The following MAP3K4 variants were observed in gnomAD, a reference collection of about 807,000 sequenced individuals.
The protein encoded by MAP3K4 is mitogen-activated protein kinase kinase kinase 4.
MAP3K4 carries 67 observed loss-of-function variants against 185.6 expected under a neutral mutation model. The ratio of observed to expected loss-of-function variants is 0.36; its 90% CI spans 0.30 to 0.44. The LOEUF is 0.44. Among genes scored for constraint, MAP3K4 ranks in the 20% least tolerant of loss-of-function variants. The pLI is 1.00. For missense variants in MAP3K4, 1,551 were observed against 1,995.1 expected (o/e 0.78, Z 4.24); for synonymous variants, 702 against 710.4 (o/e 0.99, Z 0.19).
At chr6:161,079,718 T>A (rs7738762) in intron 5 of MAP3K4, among the ~76,000 whole-genome samples, 1 of 152,148 alleles carries the variant, frequency 6.6e-6, no homozygotes, top group Non-Finnish European at 1.5e-5. Flanking sequence ...TGTTGAGGAC[T>A]GTAGACCCAT....
In MAP3K4 at chr6:161,054,853, G is replaced by T. The variant is rs961808279; in HGVS notation, c.1707+4874G>T. On this transcript the variant is annotated intron_variant, in intron 3 of 26. Coordinates refer to ENST00000392142, the MANE Select transcript of MAP3K4 (RefSeq NM_005922.4). This position sits in a 1 kb window ranked among gnomAD's most constrained non-coding sequence, Gnocchi z 4.2. ...AGCTGCAGTTTTATCCTGGCTGTAA[G>T]GACTACCATGATGGGAAAAAATAAG... Among the ~76,000 whole-genome samples the T allele has an allele frequency of 6.6e-6, 1 of 152,174 alleles. No individual in the cohort carries two copies. The highest frequency in any genetic ancestry group is 2.4e-5 in the African/African-American group (1 of 41,434).
chr6:161,079,469 C>G (rs1369789636), intron 5 of MAP3K4, among the ~76,000 whole-genome samples: 2 of 149,608 alleles, frequency 1.3e-5, no homozygotes, highest in Admixed American at 6.7e-5. Flanking sequence ...CCCAGCTACT[C>G]AGGAGGCTGA....
At chr6:161,057,251 C>T (rs1338510069) in intron 3 of MAP3K4, among the ~76,000 whole-genome samples, 5 of 152,164 alleles carry the variant, frequency 3.3e-5, no homozygotes, top group Non-Finnish European at 7.3e-5. Flanking sequence ...CGTTTATATT[C>T]AAAGCAGACA....
intron 5 of MAP3K4, among the ~76,000 whole-genome samples, chr6:161,079,583 AG>A (rs1785346756): frequency 1.3e-5 from 2 of 152,228 alleles, no homozygotes; most frequent in Non-Finnish European, 2.9e-5. Flanking sequence ...TCTCAAAAAA[AG>A]AAAGAAAAAG....
Position 161,100,672 on chromosome 6 carries a change from T to C in MAP3K4, c.3675-1220T>C, listed in dbSNP as rs895234818. On this transcript the variant is annotated intron_variant, in intron 17 of 26. Coordinates refer to ENST00000392142, the MANE Select transcript of MAP3K4 (RefSeq NM_005922.4). This position sits in a 1 kb window ranked among gnomAD's most constrained non-coding sequence, Gnocchi z 5.8. ...CAATATGCCACTTCATGAGTATATG[T>C]TCTTGCTTTTTACCCGTGCAAAAAT... Among the ~76,000 whole-genome samples, 1 of 152,186 alleles carries C rather than the reference T, an allele frequency of 6.6e-6. No individual in the cohort carries two copies. The highest frequency in any genetic ancestry group is 1.5e-5 in the Non-Finnish European group (1 of 68,040).
At chr6:161,009,420 C>T (rs1175625315) in intron 1 of MAP3K4, among the ~76,000 whole-genome samples, 1 of 152,176 alleles carries the variant, frequency 6.6e-6, no homozygotes, top group Non-Finnish European at 1.5e-5. Context: ...TCCCCATCTA[C>T]CCCGGTAAAC....
chr6:161,094,242 G>A (rs1045062717), intron 15 of MAP3K4, among the ~76,000 whole-genome samples: 13 of 152,156 alleles, frequency 8.5e-5, no homozygotes, highest in East Asian at 1.9e-4. Flanking sequence ...CCTGTCCCCC[G>A]TTCCTCACCT....
chr6:161,116,257 C>T lies in MAP3K4; in HGVS notation c.4807-593C>T, dbSNP rs1778588804. On this transcript the variant is annotated intron_variant, in intron 26 of 26. Coordinates refer to ENST00000392142, the MANE Select transcript of MAP3K4 (RefSeq NM_005922.4). This position sits in a 1 kb window ranked among gnomAD's most constrained non-coding sequence, Gnocchi z 6.2. The stretch of plus-strand genomic sequence containing the variant: ...TCTTTGGTGGATGAAGCTTGGGGTA[C>T]ATTTGGAGCATCTGCTTGGAGATTT... Among the ~76,000 whole-genome samples, 1 of 151,966 alleles carries T rather than the reference C, an allele frequency of 6.6e-6. No homozygotes were observed. Among genetic ancestry groups the T allele is most frequent in the African/African-American group, 2.4e-5 (1 of 41,360 alleles).
rs762292074 is a variant in MAP3K4, at chr6:161,084,468, TTC to T, written c.2256-29_2256-28del. Reference sequence around the variant, plus strand: ...TAGGCTATGAGTAGGGACAGTTTTCTTCTCTGTTTTATTTTTATTTTTGTTCC... The same window carrying T: ...TAGGCTATGAGTAGGGACAGTTTTCTTCTGTTTTATTTTTATTTTTGTTCC... On this transcript the variant is annotated intron_variant, in intron 6 of 26. Coordinates refer to ENST00000392142, the MANE Select transcript of MAP3K4 (RefSeq NM_005922.4). The surrounding 1 kb of genome is among the most constrained non-coding windows in gnomAD (Gnocchi z 4.6). 19 of 1,031,986 alleles carry T rather than the reference TTC, an allele frequency of 1.8e-5. No homozygotes were observed. In the South Asian group the frequency reaches 2.3e-4, roughly 12 times the overall value. 63.9% of individuals were successfully genotyped at this position (1,031,986 alleles called of 1,614,324 possible).
Position 161,098,299 on chromosome 6 carries a change from C to T in MAP3K4, c.3546C>T (p.Asp1182=), listed in dbSNP as rs200257460. 7.5e-5 allele frequency: 121 copies of T among 1,610,858 alleles called. No homozygotes were observed. The East Asian group carries it at 2.1e-3, about 28-fold the overall frequency. ...TTAGCACTCGGAGCATGCCTTCCGA[C>T]GCGCGGAGCCATGGCAGCCCTGCTG... The part of the protein sequence containing the change: ...EGFSTRSMPS[D]ARSHGSPAAA... Residue 1182 remains aspartate, a synonymous_variant, in exon 17 of 27, where the codon GAC becomes GAT. Coordinates refer to ENST00000392142, the MANE Select transcript of MAP3K4 (RefSeq NM_005922.4). The surrounding 1 kb of genome is among the most constrained non-coding windows in gnomAD (Gnocchi z 4.4).
At chr6:161,012,569 T>C (rs1562480408) in intron 1 of MAP3K4, among the ~76,000 whole-genome samples, 1 of 152,210 alleles carries the variant, frequency 6.6e-6, no homozygotes, top group Non-Finnish European at 1.5e-5. Context: ...TATATAATTA[T>C]TACAACGAAC....
intron 6 of MAP3K4, 44 bp downstream of exon 6, chr6:161,081,082 A>T (rs1282077590): frequency 6.3e-7 from 1 of 1,587,904 alleles, no homozygotes; most frequent in South Asian, 1.1e-5. Flanking sequence ...CCACCTTCTC[A>T]CTCTCACACC....
chr6:161,079,947 G>A (rs959855740), intron 5 of MAP3K4, among the ~76,000 whole-genome samples: 1 of 152,180 alleles, frequency 6.6e-6, no homozygotes, highest in Non-Finnish European at 1.5e-5. Context: ...ATGTAGCCTG[G>A]TGAAAACACT....
intron 3 of MAP3K4, among the ~76,000 whole-genome samples, chr6:161,060,123 A>C (rs575022293): frequency 6.6e-6 from 1 of 152,294 alleles, no homozygotes; most frequent in Admixed American, 6.5e-5. Flanking sequence ...TCCTTAATAC[A>C]TTAAGGGCTG....
At chr6:161,006,377 A>C (rs780202028) in intron 1 of MAP3K4, among the ~76,000 whole-genome samples, 1 of 152,246 alleles carries the variant, frequency 6.6e-6, no homozygotes, top group Non-Finnish European at 1.5e-5. Flanking sequence ...TGTGCTGAAC[A>C]CGTACAGACT....
Position 161,063,751 on chromosome 6 carries a change from A to C in MAP3K4, c.1708-6857A>C, listed in dbSNP as rs925109499. On this transcript the variant is annotated intron_variant, in intron 3 of 26. Coordinates refer to ENST00000392142, the MANE Select transcript of MAP3K4 (RefSeq NM_005922.4). The surrounding 1 kb of genome is among the most constrained non-coding windows in gnomAD (Gnocchi z 5.4). ...ACCTTACTGCCAACCCCTTGCCTTCACTCATGAATAGTGCCAAAATCATTC... is the reference window on the plus strand; with the variant it reads ...ACCTTACTGCCAACCCCTTGCCTTCCCTCATGAATAGTGCCAAAATCATTC... Among the ~76,000 whole-genome samples the C allele has an allele frequency of 3.9e-5, 6 of 152,140 alleles. No individual in the cohort carries two copies. Among genetic ancestry groups the C allele is most frequent in the South Asian group, 2.1e-4 (1 of 4,828 alleles).
In MAP3K4 at chr6:161,075,209, C is replaced by T. The variant is rs561600460; in HGVS notation, c.2097+1597C>T. On this transcript the variant is annotated intron_variant, in intron 5 of 26. Coordinates refer to ENST00000392142, the MANE Select transcript of MAP3K4 (RefSeq NM_005922.4). The surrounding 1 kb of genome is among the most constrained non-coding windows in gnomAD (Gnocchi z 4.3). ...TTGCTCTGTCACCTAGACTGAAACG[C>T]AGTGGTGTGTTGACGGCTTCCTGTA... is the stretch of plus-strand genomic sequence containing the variant. Among the ~76,000 whole-genome samples the T allele has an allele frequency of 1.3e-4, 20 of 152,274 alleles. 1 individual carries two copies. In the South Asian group the frequency reaches 4.2e-3, roughly 32 times the overall value.
rs966666541 is a variant in MAP3K4 at position 161,017,137 on chromosome 6, A to G, written c.153-17122A>G. On this transcript the variant is annotated intron_variant, in intron 1 of 26. Coordinates refer to ENST00000392142, the MANE Select transcript of MAP3K4 (RefSeq NM_005922.4). This position sits in a 1 kb window ranked among gnomAD's most constrained non-coding sequence, Gnocchi z 5.1. The stretch of plus-strand genomic sequence containing the variant: ...CAACAAAGGCCTTAGTTTAACCAAC[A>G]TTATATTAAATTATAAGGAAATGTT... Among the ~76,000 whole-genome samples, 1 of 152,218 alleles carries G rather than the reference A, an allele frequency of 6.6e-6. No individual in the cohort carries two copies. The highest frequency in any genetic ancestry group is 1.5e-5 in the Non-Finnish European group (1 of 68,036).
Position 161,091,657 on chromosome 6 carries a change from T to C in MAP3K4, c.3135+117T>C, listed in dbSNP as rs946541233. Reference sequence around the variant, plus strand: ...ATTGTAATCATAGCTTAATCAAGAATATCATCTTATATCACTGCTGTATAT... The same window carrying C: ...ATTGTAATCATAGCTTAATCAAGAACATCATCTTATATCACTGCTGTATAT... On this transcript the variant is annotated intron_variant, in intron 12 of 26. Transcript: ENST00000392142. This position sits in a 1 kb window ranked among gnomAD's most constrained non-coding sequence, Gnocchi z 5.5. The C allele has an allele frequency of 3.6e-6, 3 of 840,770 alleles. No individual in the cohort carries two copies. The highest frequency in any genetic ancestry group is 1.7e-5 in the African/African-American group (1 of 58,040). 52.1% of individuals were successfully genotyped at this position (840,770 alleles called of 1,614,324 possible).
Sources: allele counts gnomAD v4.1 joint callset (sites outside exome capture counted in the v4.1 genomes callset), GRCh38; gene constraint gnomAD v4.1.1; non-coding constraint Gnocchi (gnomAD v3.1); transcripts MANE v1.5; gene names NCBI Gene and HGNC (gene_info 2026-07-23, HGNC 2026-07-21).